The following ACTN1 variants were observed in gnomAD, a reference collection of about 807,000 sequenced individuals.
ACTN1 encodes actinin alpha 1.
ACTN1 carries 30 observed loss-of-function variants against 119.6 expected under a neutral mutation model. That is an observed-to-expected ratio of 0.25 (90% CI 0.19 to 0.34). ACTN1 has a LOEUF of 0.34. Among genes scored for constraint, ACTN1 ranks in the 10% least tolerant of loss-of-function variants. The pLI is 1.00. For synonymous variants in ACTN1, 429 were observed against 472.6 expected (o/e 0.91, Z 1.20); for missense variants, 764 against 1,223.4 (o/e 0.62, Z 5.60).
At chr14:68,942,549 G>A (rs1245584360) in intron 1 of ACTN1, among the ~76,000 whole-genome samples, 2 of 152,200 alleles carry the variant, frequency 1.3e-5, no homozygotes, top group Non-Finnish European at 2.9e-5. Flanking sequence ...AGCAGTCTTG[G>A]CACTTGGAGG....
chr14:68,941,540 T>A (rs2035761470), intron 1 of ACTN1, among the ~76,000 whole-genome samples: 1 of 152,340 alleles, frequency 6.6e-6, no homozygotes, highest in Middle Eastern at 3.4e-3. Flanking sequence ...TTCTTGACCT[T>A]TCTGAGCCTC....
chr14:68,950,749 G>T (rs1432945784), intron 1 of ACTN1, among the ~76,000 whole-genome samples: 1 of 151,974 alleles, frequency 6.6e-6, no homozygotes, highest in Non-Finnish European at 1.5e-5. Context: ...TTTTAGTAGA[G>T]ACATGGTTTC....
At chr14:68,928,872 C>G (rs1214237112) in intron 1 of ACTN1, among the ~76,000 whole-genome samples, 2 of 152,150 alleles carry the variant, frequency 1.3e-5, no homozygotes, top group Admixed American at 1.3e-4. Flanking sequence ...GTACTGTTTC[C>G]AAGATGACAA....
chr14:68,930,217 T>A (rs2035161273), intron 1 of ACTN1, among the ~76,000 whole-genome samples: 1 of 152,178 alleles, frequency 6.6e-6, no homozygotes, highest in South Asian at 2.1e-4. Context: ...TTCAAGTCTG[T>A]AAAATGGGGG....
chr14:68,904,816 CA>C, intron 6 of ACTN1, 80 bp from the exon 7 acceptor site: 3 of 1,232,366 alleles, frequency 2.4e-6, no homozygotes, highest in Non-Finnish European at 2.4e-6. Context: ...GGTGGCCACC[CA>C]AACTGGGGAG....
chr14:68,958,697 T>G (rs1050222281), intron 1 of ACTN1, among the ~76,000 whole-genome samples: 2 of 152,174 alleles, frequency 1.3e-5, no homozygotes, highest in Admixed American at 1.3e-4. Context: ...AGGCATTATC[T>G]ACGATAGGCC....
chr14:68,897,108 G>A lies in ACTN1; in HGVS notation c.763-3361C>T, dbSNP rs558254075. ...AGCCATCCTCCTGCCTCAGCCTCCCGAGTAGCTGGGATTACAGGTGCATGC... is the reference window on the plus strand; with the variant it reads ...AGCCATCCTCCTGCCTCAGCCTCCCAAGTAGCTGGGATTACAGGTGCATGC... On this transcript the variant is annotated intron_variant, in intron 8 of 21. Transcript: ENST00000394419. 2.6e-5 allele frequency among the ~76,000 whole-genome samples: 4 copies of A among 152,194 alleles called. No homozygotes were observed. The South Asian group carries it at 6.2e-4, about 24-fold the overall frequency.
At chr14:68,947,828 G>A (rs868371767) in intron 1 of ACTN1, among the ~76,000 whole-genome samples, 8 of 152,192 alleles carry the variant, frequency 5.3e-5, no homozygotes, top group South Asian at 2.1e-4. Flanking sequence ...ATAGCAATCC[G>A]GAGCAGTGGG....
At chr14:68,937,778 C>T (rs754644197) in intron 1 of ACTN1, among the ~76,000 whole-genome samples, 1 of 152,232 alleles carries the variant, frequency 6.6e-6, no homozygotes, top group African/African-American at 2.4e-5. Context: ...CTAGGCTCAT[C>T]GAGTCAAAAA....
chr14:68,907,152 C>G (rs2033712859), intron 6 of ACTN1, among the ~76,000 whole-genome samples: 1 of 150,374 alleles, frequency 6.7e-6, no homozygotes, highest in Admixed American at 6.7e-5. Context: ...ATCCCAGCTA[C>G]TCAGGAGGCT....
Position 68,874,935 on chromosome 14 carries a change from G to C in ACTN1, c.2669C>G (p.Thr890Ser). ...EYCIARMAPY[T>S]GPDSVPGALD... ...AGCACCTGGCACGGAGTCGGGGCCGGTGTAGGGGGCCATCCGCGCGATGCA... is the reference window on the plus strand; with the variant it reads ...AGCACCTGGCACGGAGTCGGGGCCGCTGTAGGGGGCCATCCGCGCGATGCA... The change falls in exon 22 of 22, where the codon ACC becomes AGC. Residue 890 changes from threonine (T) to serine (S), a missense_variant. Physicochemically the swap from Thr to Ser is moderately conservative, Grantham distance 58 (BLOSUM62 1). Around this residue, in one of 4 missense-constraint regions of ACTN1, gnomAD observed 102 missense variants for 78.2 expected, o/e 1.30. Transcript: ENST00000394419. 1 of 1,613,090 alleles carries C rather than the reference G, an allele frequency of 6.2e-7. No individual in the cohort carries two copies. The highest frequency in any genetic ancestry group is 8.5e-7 in the Non-Finnish European group (1 of 1,179,426).
chr14:68,907,334 CG>C (rs1398332905), intron 6 of ACTN1, among the ~76,000 whole-genome samples: 25 of 146,400 alleles, frequency 1.7e-4, no homozygotes, highest in Non-Finnish European at 2.5e-4. Context: ...GAGGCCAAGG[CG>C]GGTGGATCAC....
chr14:68,885,704 G>GATCCCTGCACAAT lies in ACTN1; in HGVS notation c.1235-130_1235-129insATTGTGCAGGGAT. On this transcript the variant is annotated intron_variant, in intron 11 of 21. Transcript: ENST00000394419. The surrounding 1 kb of genome is among the most constrained non-coding windows in gnomAD (Gnocchi z 5.6). ...TTCTCAAGGAGGTGCCCATTGTGCAGGGATCTGCAGGGTGCAAAAGCAGAT... is the reference window on the plus strand; with the variant it reads ...TTCTCAAGGAGGTGCCCATTGTGCAGATCCCTGCACAATGGATCTGCAGGGTGCAAAAGCAGAT... 2.8e-6 allele frequency: 3 copies of GATCCCTGCACAAT among 1,085,290 alleles called. No homozygotes were observed. The highest frequency in any genetic ancestry group is 3.9e-6 in the Non-Finnish European group (3 of 773,056). The allele number at this position is 1,085,290 out of a possible 1,614,324, so 67.2% of individuals were successfully genotyped here. A position where few individuals can be genotyped will look rare whatever the true frequency, so the allele number is the denominator to read the frequency against.
At chr14:68,899,261 CCCA>C (rs1198726929) in intron 8 of ACTN1, among the ~76,000 whole-genome samples, 3 of 148,516 alleles carry the variant, frequency 2.0e-5, no homozygotes, top group Admixed American at 6.7e-5. Context: ...CACACACACA[CCCA>C]CATGCCACAC....
intron 1 of ACTN1, among the ~76,000 whole-genome samples, chr14:68,973,083 G>A (rs987678008): frequency 5.3e-5 from 8 of 152,132 alleles, no homozygotes; most frequent in East Asian, 1.9e-4. Context: ...AGACTTGCCC[G>A]CCAGATAACC....
In ACTN1 at chr14:68,878,912, G is replaced by T; in HGVS notation, c.2361+77C>A. ...GGGGGACAGGAGATCCAGACAGAGA[G>T]AAGAGAAAAAGGAAAAACGCATTAT... On this transcript the variant is annotated intron_variant, in intron 19 of 21. Coordinates refer to ENST00000394419, the MANE Select transcript of ACTN1 (RefSeq NM_001130004.2). This position sits in a 1 kb window ranked among gnomAD's most constrained non-coding sequence, Gnocchi z 4.4. 1.2e-6 allele frequency: 2 copies of T among 1,606,770 alleles called. No homozygotes were observed. Among genetic ancestry groups the T allele is most frequent in the Non-Finnish European group, 1.7e-6 (2 of 1,179,042 alleles).
chr14:68,950,524 C>A (rs2036124805), intron 1 of ACTN1, among the ~76,000 whole-genome samples: 2 of 146,282 alleles, frequency 1.4e-5, no homozygotes, highest in African/African-American at 2.7e-5. Flanking sequence ...ACAGTGTTAC[C>A]TGTGGGGAGT....
intron 4 of ACTN1, 57 bp downstream of exon 4, chr14:68,912,099 A>G (rs1266431325): frequency 6.4e-7 from 1 of 1,551,040 alleles, no homozygotes; most frequent in Non-Finnish European, 8.9e-7. Context: ...TCTCCAGGCT[A>G]AGCCCAGGGA....
intron 6 of ACTN1, among the ~76,000 whole-genome samples, chr14:68,907,345 C>G (rs1190892758): frequency 6.6e-6 from 1 of 151,104 alleles, no homozygotes; most frequent in East Asian, 2.0e-4. Context: ...GGGTGGATCA[C>G]CTGAGGTCAG....
Sources: gnomAD v4.1 joint callset for allele counts (sites outside exome capture counted in the v4.1 genomes callset) on GRCh38, gnomAD v4.1.1 for gene constraint, gnomAD v4.1.1 regional missense constraint, Gnocchi (gnomAD v3.1) non-coding constraint, MANE v1.5 for transcripts, NCBI Gene and HGNC (gene_info 2026-07-23, HGNC 2026-07-21) for gene names.